AAGAB: variants seen among roughly 807,000 people sequenced by gnomAD.
AAGAB encodes alpha- and gamma-adaptin-binding protein p34.
Under a neutral mutation model 44.1 loss-of-function variants are expected in AAGAB, and 38 were observed. The observed-to-expected ratio is 0.86, with a 90% CI of 0.67 to 1.13. The LOEUF (loss-of-function observed/expected upper bound fraction) is 1.13, where lower values mean the gene tolerates loss of function less well. Ranked by LOEUF, AAGAB falls within the 50% of genes most tolerant of loss-of-function variation. AAGAB has a pLI of 0.00. For missense variants in AAGAB, 450 were observed against 373.8 expected (o/e 1.20, Z -1.68); for synonymous variants, 131 against 131.8 (o/e 0.99, Z 0.04).
chr15:67,211,141 T>G (rs1004062482), intron 5 of AAGAB, among the ~76,000 whole-genome samples: 3 of 152,232 alleles, frequency 2.0e-5, no homozygotes, highest in African/African-American at 7.2e-5. Flanking sequence ...TGCTAGGCTG[T>G]AGCCTGCAGA....
intron 5 of AAGAB, among the ~76,000 whole-genome samples, chr15:67,225,297 T>C (rs1355215486): frequency 6.6e-6 from 1 of 152,246 alleles, no homozygotes; most frequent in Non-Finnish European, 1.5e-5. Flanking sequence ...CAGCTGCTAT[T>C]AGTATCACTG....
rs148059529 is a variant in AAGAB, at chr15:67,234,202, G to A, written c.451+1777C>T. On this transcript the variant is annotated intron_variant, in intron 4 of 9. Transcript: ENST00000261880. Reference sequence around the variant, plus strand: ...TAGGAGGTGGAGCTTGCAGTGAGCAGAGATCGTGCCACTGCACTCCAGCCT... The same window carrying A: ...TAGGAGGTGGAGCTTGCAGTGAGCAAAGATCGTGCCACTGCACTCCAGCCT... Among the ~76,000 whole-genome samples, 795 of 152,152 alleles carry A rather than the reference G, an allele frequency of 5.2e-3. 11 individuals are homozygous for A. Among genetic ancestry groups the A allele is most frequent in the African/African-American group, 0.018 (766 of 41,528 alleles).
At chr15:67,221,206 G>C (rs1567020404) in intron 5 of AAGAB, 1 of 152,108 alleles carries the variant, frequency 6.6e-6, no homozygotes. Flanking sequence ...GGGAGACTAG[G>C]AAAAAGAGTC....
intron 1 of AAGAB, among the ~76,000 whole-genome samples, chr15:67,247,587 G>A (rs1007872178): frequency 2.6e-5 from 4 of 152,066 alleles, no homozygotes; most frequent in African/African-American, 7.2e-5. Context: ...CTTTTCCACT[G>A]GTATTTCTCC....
chr15:67,250,478 A>G (rs1309978342), intron 1 of AAGAB, among the ~76,000 whole-genome samples: 1 of 152,140 alleles, frequency 6.6e-6, no homozygotes, highest in East Asian at 1.9e-4. Context: ...TGCCTGGCAC[A>G]TGGAGGATAC....
chr15:67,207,277 G>A (rs1033695849), intron 7 of AAGAB, among the ~76,000 whole-genome samples: 2 of 152,164 alleles, frequency 1.3e-5, no homozygotes, highest in Admixed American at 6.5e-5. Context: ...TGCTATGGTG[G>A]TATTGTTGCT....
At chr15:67,222,240 GCGCACACACACACACACACACACACA>G (rs1317972135) in intron 5 of AAGAB, among the ~76,000 whole-genome samples, 5 of 88,194 alleles carry the variant, frequency 5.7e-5, no homozygotes, top group African/African-American at 1.3e-4. Flanking sequence ...ACGCGCGCGC[GCGCACACACACACACACACACACACA>G]CACACACACA....
chr15:67,253,868 C>T (rs1330456018), intron 1 of AAGAB, among the ~76,000 whole-genome samples: 1 of 152,166 alleles, frequency 6.6e-6, no homozygotes, highest in Non-Finnish European at 1.5e-5. Context: ...AAACAGAAGT[C>T]TTGAGTTACC....
At chr15:67,246,930 G>A (rs962369834) in intron 1 of AAGAB, among the ~76,000 whole-genome samples, 1 of 152,182 alleles carries the variant, frequency 6.6e-6, no homozygotes, top group African/African-American at 2.4e-5. Flanking sequence ...ACCCGTTCGG[G>A]TCCCCTTCCA....
Position 67,236,483 on chromosome 15 carries a change from A to G in AAGAB, c.286T>C (p.Ser96Pro), listed in dbSNP as rs1386289615. 3 of 1,614,010 alleles carry G rather than the reference A, an allele frequency of 1.9e-6. No homozygotes were observed. The African/African-American group carries it at 4.0e-5, about 22-fold the overall frequency. The change falls in exon 3 of 10, where the codon TCC (serine) becomes CCC (proline). Residue 96 changes from serine (S) to proline (P), a missense_variant. Coordinates refer to ENST00000261880, the MANE Select transcript of AAGAB (RefSeq NM_024666.5). The part of the protein sequence containing the change: ...STQKSGLDSV[S>P]SWLPLAKAWL... The stretch of plus-strand genomic sequence containing the variant: ...GCTTTTGCCAGTGGAAGCCATGAGG[A>G]GACACTATCAAGGCCCGATTTCTAG...
chr15:67,227,859 C>A (rs1964240766), intron 5 of AAGAB, among the ~76,000 whole-genome samples: 2 of 152,156 alleles, frequency 1.3e-5, no homozygotes, highest in African/African-American at 4.8e-5. Flanking sequence ...ACCACATACA[C>A]CAGGATCCTC....
chr15:67,215,478 A>G (rs575199881), intron 5 of AAGAB, among the ~76,000 whole-genome samples: 13 of 152,268 alleles, frequency 8.5e-5, no homozygotes, highest in Non-Finnish European at 1.8e-4. Flanking sequence ...TTCAGTTTTT[A>G]TTTCCTTAAT....
intron 1 of AAGAB, among the ~76,000 whole-genome samples, chr15:67,243,515 T>C (rs1225254097): frequency 6.6e-6 from 1 of 152,126 alleles, no homozygotes; most frequent in Non-Finnish European, 1.5e-5. Context: ...ACATTTTTGG[T>C]CATCACAATA....
At chr15:67,254,749 C>T (rs1001985975), upstream of AAGAB, 29 of 1,343,852 alleles carry the variant, frequency 2.2e-5, no homozygotes, top group South Asian at 2.7e-4. Flanking sequence ...CCAGGCTGGC[C>T]TGACCCCGCC....
In AAGAB at chr15:67,208,682, CA is replaced by C. The variant is rs1208392147; in HGVS notation, c.619-25del. The C allele has an allele frequency of 1.9e-6, 3 of 1,597,626 alleles. No individual in the cohort carries two copies. The Admixed American group carries it at 5.0e-5, about 27-fold the overall frequency. ...TGCTGTTGAGGAAAATACACATAAG[CA>C]ACAATTTAATCGTAGTCTATTTCAG... On this transcript the variant is annotated intron_variant, in intron 6 of 9. Coordinates refer to ENST00000261880, the MANE Select transcript of AAGAB (RefSeq NM_024666.5).
chr15:67,250,523 T>A (rs1044151583), intron 1 of AAGAB, among the ~76,000 whole-genome samples: 1 of 152,116 alleles, frequency 6.6e-6, no homozygotes, highest in Non-Finnish European at 1.5e-5. Context: ...AGGAACAGTA[T>A]CTTAGGCATT....
At chr15:67,246,871 C>T (rs191403517) in intron 1 of AAGAB, among the ~76,000 whole-genome samples, 3 of 152,314 alleles carry the variant, frequency 2.0e-5, no homozygotes, top group South Asian at 2.1e-4. Context: ...AGGATGTGGG[C>T]GGGGCCAAAT....
rs10525823 is a variant in AAGAB at position 67,241,040 on chromosome 15, T to TACACACACACACACACACACACAC, written c.74-4244_74-4221dup. Reference sequence around the variant, plus strand: ...CAAACACCACAAATATCTGTTCTCCTACACACACACACACACACACACACA... The same window carrying TACACACACACACACACACACACAC: ...CAAACACCACAAATATCTGTTCTCCTACACACACACACACACACACACACACACACACACACACACACACACACA... On this transcript the variant is annotated intron_variant, in intron 1 of 9. Transcript: ENST00000261880. 1.2e-4 allele frequency among the ~76,000 whole-genome samples: 17 copies of TACACACACACACACACACACACAC among 147,184 alleles called. No homozygotes were observed. In the East Asian group the frequency reaches 1.6e-3, roughly 14 times the overall value.
chr15:67,224,709 T>C (rs1964163510), intron 5 of AAGAB, among the ~76,000 whole-genome samples: 1 of 151,786 alleles, frequency 6.6e-6, no homozygotes, highest in African/African-American at 2.4e-5. Flanking sequence ...GCCTCCCAAG[T>C]AGCTGGGATT....
Sources: allele counts gnomAD v4.1 joint callset (sites outside exome capture counted in the v4.1 genomes callset), GRCh38; gene constraint gnomAD v4.1.1; transcripts MANE v1.5; gene names NCBI Gene and HGNC (gene_info 2026-07-23, HGNC 2026-07-21).